Variants in MICAL2 observed in about 807,000 individuals in gnomAD.
MICAL2 encodes the protein [F-actin]-monooxygenase MICAL2.
Under a neutral mutation model 127.3 loss-of-function variants are expected in MICAL2, and 77 were observed. That is an observed-to-expected ratio of 0.60 (90% CI 0.50 to 0.73). The LOEUF (loss-of-function observed/expected upper bound fraction) is 0.73. Ranked by LOEUF, MICAL2 falls within the 30% of genes least tolerant of loss-of-function variation. The probability of loss-of-function intolerance (pLI) is 0.00; values close to 1 mark genes in which losing one functional copy is unlikely to be tolerated. For missense variants in MICAL2, 1,351 were observed against 1,434.4 expected, an observed-to-expected ratio of 0.94 and a Z score of 0.94; for synonymous variants, 570 against 551.1, an observed-to-expected ratio of 1.03 and a Z score of -0.48.
At chr11:12,223,561 C>G in intron 12 of MICAL2, 60 bp downstream of exon 12, 1 of 1,459,984 alleles carries the variant, frequency 6.8e-7, no homozygotes, top group Admixed American at 1.7e-5. Context: ...GGGAGGAGGA[C>G]TGCTCAGTGA....
At chr11:12,313,942 G>T (rs137919913) in intron 29 of MICAL2, among the ~76,000 whole-genome samples, 1 of 109,418 alleles carries the variant, frequency 9.1e-6, no homozygotes, top group Non-Finnish European at 2.0e-5. Context: ...TGTATTTCTG[G>T]CCTTAATGTC....
chr11:12,278,068 G>T (rs1863739099), intron 1 of MICAL2, among the ~76,000 whole-genome samples: 1 of 152,332 alleles, frequency 6.6e-6, no homozygotes, highest in South Asian at 2.1e-4. Context: ...AGGACTGGAA[G>T]TTGCTCTGGG....
intron 2 of MICAL2, among the ~76,000 whole-genome samples, chr11:12,155,753 G>A (rs1340213669): frequency 1.3e-5 from 2 of 152,240 alleles, no homozygotes; most frequent in Non-Finnish European, 2.9e-5. Context: ...CGTGTTTTGA[G>A]GATTCCTTAG....
chr11:12,287,201 C>T, exon 3 of MICAL2: 1 of 398,824 alleles, frequency 2.5e-6, no homozygotes. Context: ...GAGGCTGGGG[C>T]TGGGCAGAAG....
intron 32 of MICAL2, among the ~76,000 whole-genome samples, chr11:12,334,132 C>T (rs1278548366): frequency 1.3e-5 from 2 of 152,112 alleles, no homozygotes; most frequent in Admixed American, 1.3e-4. Flanking sequence ...AATGAAAAGA[C>T]ACTCATTTGG....
intron 1 of MICAL2, among the ~76,000 whole-genome samples, chr11:12,119,340 A>G (rs1234551582): frequency 6.6e-6 from 1 of 152,196 alleles, no homozygotes; most frequent in Non-Finnish European, 1.5e-5. Context: ...TTTAATTGGC[A>G]TGGCTGCACA....
At chr11:12,112,453 C>T (rs1456968073) in intron 1 of MICAL2, among the ~76,000 whole-genome samples, 2 of 152,022 alleles carry the variant, frequency 1.3e-5, no homozygotes, top group Non-Finnish European at 2.9e-5. Flanking sequence ...CCTGGCCTCA[C>T]CTCTGAGAAG....
At chr11:12,338,026 G>T (rs953210669) in intron 32 of MICAL2, among the ~76,000 whole-genome samples, 2 of 152,084 alleles carry the variant, frequency 1.3e-5, no homozygotes, top group African/African-American at 4.8e-5. Flanking sequence ...TTTCTGTCTC[G>T]TTGATCTGTC....
chr11:12,302,665 G>A (rs1209019535), intron 29 of MICAL2, among the ~76,000 whole-genome samples: 1 of 151,976 alleles, frequency 6.6e-6, no homozygotes, highest in Non-Finnish European at 1.5e-5. Flanking sequence ...TGGATAAACA[G>A]AAGTACCTTT....
intron 32 of MICAL2, among the ~76,000 whole-genome samples, chr11:12,341,430 T>C (rs546552941): frequency 6.6e-6 from 1 of 151,116 alleles, no homozygotes; most frequent in East Asian, 1.9e-4. Flanking sequence ...CAGAGAAGCC[T>C]TCAGCATTAC....
chr11:12,168,037 C>T (rs1169700155), intron 3 of MICAL2, among the ~76,000 whole-genome samples: 1 of 151,976 alleles, frequency 6.6e-6, no homozygotes, highest in African/African-American at 2.4e-5. Context: ...TGGGATGGTT[C>T]ACGCCTGTAA....
chr11:12,289,982 G>C (rs1437876540), downstream of MICAL2, among the ~76,000 whole-genome samples: 1 of 152,216 alleles, frequency 6.6e-6, no homozygotes, highest in Non-Finnish European at 1.5e-5. Flanking sequence ...CTCAGAGCCA[G>C]GCAGCTGGTA....
chr11:12,242,580 G>A, intron 19 of MICAL2, 91 bp from the exon 20 acceptor site: 18 of 1,449,992 alleles, frequency 1.2e-5, no homozygotes, highest in Middle Eastern at 1.7e-4. Flanking sequence ...CAAGGCCCCC[G>A]GCTGCCTCCC....
downstream of MICAL2, among the ~76,000 whole-genome samples, chr11:12,292,634 C>T (rs1863919529): frequency 6.6e-6 from 1 of 152,184 alleles, no homozygotes; most frequent in South Asian, 2.1e-4. Context: ...GAATTTGCAG[C>T]TGTAGGATGG....
Position 12,186,802 on chromosome 11 carries a change from C to G in MICAL2, c.265-17448C>G, listed in dbSNP as rs376098864. 1.4e-4 allele frequency among the ~76,000 whole-genome samples: 21 copies of G among 152,306 alleles called. No homozygotes were observed. The East Asian group carries it at 3.7e-3, about 27-fold the overall frequency. On this transcript the variant is annotated intron_variant, in intron 3 of 27. Coordinates refer to ENST00000683283, the MANE Select transcript of MICAL2 (RefSeq NM_001282663.2). The stretch of plus-strand genomic sequence containing the variant: ...CACAGGTGGTGGGGACCCCAGACAT[C>G]AGCGGCAGGGAGGTCCCCTTCAGAT...
At chr11:12,136,728 C>T (rs374931050) in intron 1 of MICAL2, among the ~76,000 whole-genome samples, 4 of 152,178 alleles carry the variant, frequency 2.6e-5, no homozygotes, top group African/African-American at 4.8e-5. Flanking sequence ...ACAAAGGGTA[C>T]GAGTTGGTCC....
downstream of MICAL2, chr11:12,294,703 T>C (rs747791013): frequency 5.0e-6 from 8 of 1,613,960 alleles, no homozygotes; most frequent in Admixed American, 1.3e-4. Flanking sequence ...GGGACCTCTT[T>C]GGCAGCCCCA....
chr11:12,315,351 T>C (rs977938393), intron 29 of MICAL2, among the ~76,000 whole-genome samples: 5 of 152,240 alleles, frequency 3.3e-5, no homozygotes, highest in Non-Finnish European at 7.3e-5. Context: ...CTGCTTTAGC[T>C]GAATCTTACA....
At chr11:12,199,627 T>C (rs190115577) in intron 3 of MICAL2, among the ~76,000 whole-genome samples, 92 of 152,254 alleles carry the variant, frequency 6.0e-4, no homozygotes, top group African/African-American at 2.0e-3. Context: ...AGATGCACCA[T>C]GTCAAGAAGT....
Sources: allele counts gnomAD v4.1 joint callset (sites outside exome capture counted in the v4.1 genomes callset), GRCh38; gene constraint gnomAD v4.1.1; transcripts MANE v1.5; gene names NCBI Gene and HGNC (gene_info 2026-07-23, HGNC 2026-07-21).